Variants in DNAH14 observed in about 807,000 individuals in gnomAD.
The protein encoded by DNAH14 is dynein axonemal heavy chain 14, also known as axonemal beta dynein heavy chain 14.
Under a neutral mutation model 520.9 loss-of-function variants are expected in DNAH14, and 478 were observed. That is an observed-to-expected ratio of 0.92 (90% confidence interval 0.85 to 0.99). The LOEUF (loss-of-function observed/expected upper bound fraction) is 0.99. Ranked by LOEUF, DNAH14 falls within the 50% of genes least tolerant of loss-of-function variation. The pLI is 0.00. For missense variants in DNAH14, 4,831 were observed against 5,234.5 expected (o/e 0.92, Z 2.38); for synonymous variants, 1,581 against 1,757.2 (o/e 0.90, Z 2.51).
chr1:225,297,239 A>G (rs2094029302), intron 55 of DNAH14, among the ~76,000 whole-genome samples: 1 of 151,992 alleles, frequency 6.6e-6, no homozygotes, highest in Admixed American at 6.6e-5. Context: ...ATATCTCCCT[A>G]TTGAATTTCT....
intron 77 of DNAH14, among the ~76,000 whole-genome samples, chr1:225,369,906 C>T (rs1158933276): frequency 6.6e-6 from 1 of 152,106 alleles, no homozygotes; most frequent in African/African-American, 2.4e-5. Flanking sequence ...GGGAAATCAG[C>T]CAGGCTCGGT....
intron 73 of DNAH14, among the ~76,000 whole-genome samples, chr1:225,355,157 G>C (rs79576104): frequency 6.6e-6 from 1 of 152,180 alleles, no homozygotes; most frequent in Non-Finnish European, 1.5e-5. Context: ...TGGAGGCTGG[G>C]AGTCTAACAT....
chr1:225,034,274 A>G (rs189857769), intron 11 of DNAH14, among the ~76,000 whole-genome samples: 3 of 152,162 alleles, frequency 2.0e-5, no homozygotes, highest in Non-Finnish European at 4.4e-5. Flanking sequence ...CATGAAGGAT[A>G]TTGAAATTTA....
chr1:225,278,978 TTTTG>T (rs1160715574), intron 54 of DNAH14, among the ~76,000 whole-genome samples: 10 of 152,210 alleles, frequency 6.6e-5, no homozygotes, highest in Admixed American at 2.0e-4. Flanking sequence ...GTTGGGGTTT[TTTTG>T]TTTGTTTGTT....
intron 55 of DNAH14, among the ~76,000 whole-genome samples, chr1:225,292,458 G>A (rs748764403): frequency 6.6e-6 from 1 of 152,024 alleles, no homozygotes; most frequent in South Asian, 2.1e-4. Flanking sequence ...ATTGGTCTAT[G>A]TGTCTGTTTT....
chr1:225,165,401 G>A (rs16844408), intron 35 of DNAH14, among the ~76,000 whole-genome samples: 18,822 of 151,916 alleles, frequency 0.12, 1,317 homozygotes, highest in East Asian at 0.31. Context: ...TAAATTAACA[G>A]GAGTCTTAAA....
intron 41 of DNAH14, among the ~76,000 whole-genome samples, chr1:225,227,475 T>A (rs189569338): frequency 5.3e-5 from 8 of 152,292 alleles, no homozygotes; most frequent in Admixed American, 3.3e-4. Context: ...GTTTACAGAT[T>A]AACAGCATCT....
At chr1:225,126,883 G>A (rs1338247723) in intron 27 of DNAH14, among the ~76,000 whole-genome samples, 6 of 151,724 alleles carry the variant, frequency 4.0e-5, no homozygotes, top group Non-Finnish European at 7.4e-5. Flanking sequence ...CTTTGAATGT[G>A]TCCCAGAGAT....
At chr1:225,137,009 T>A (rs968270293) in intron 27 of DNAH14, among the ~76,000 whole-genome samples, 7 of 152,216 alleles carry the variant, frequency 4.6e-5, no homozygotes, top group South Asian at 4.1e-4. Flanking sequence ...AGGTCAGTTA[T>A]GTTCCTCTCT....
intron 10 of DNAH14, among the ~76,000 whole-genome samples, chr1:225,015,587 G>T (rs1558687828): frequency 6.6e-6 from 1 of 152,052 alleles, no homozygotes. Flanking sequence ...TATTCTGTTT[G>T]GGAAATGTGT....
intron 35 of DNAH14, among the ~76,000 whole-genome samples, chr1:225,161,576 C>T (rs111900033): frequency 3.3e-5 from 5 of 152,148 alleles, no homozygotes; most frequent in African/African-American, 1.2e-4. Context: ...GTTTTTTGAC[C>T]AACCTCCAAA....
chr1:225,133,906 A>G (rs1465371370), intron 27 of DNAH14, among the ~76,000 whole-genome samples: 2 of 152,128 alleles, frequency 1.3e-5, no homozygotes, highest in Non-Finnish European at 2.9e-5. Context: ...TTCCCTGAGC[A>G]GTGGTTTGTA....
chr1:225,053,852 G>T (rs1051400779), intron 17 of DNAH14, among the ~76,000 whole-genome samples: 4 of 152,110 alleles, frequency 2.6e-5, no homozygotes, highest in African/African-American at 9.7e-5. Flanking sequence ...TGTCTACACT[G>T]GAAATATATA....
At chr1:225,119,855 G>T (rs1361168684) in intron 26 of DNAH14, among the ~76,000 whole-genome samples, 1 of 152,096 alleles carries the variant, frequency 6.6e-6, no homozygotes, top group Admixed American at 6.6e-5. Flanking sequence ...TGACTTTTAG[G>T]TTTTTATATC....
chr1:225,312,886 A>T (rs1027353468), intron 60 of DNAH14, among the ~76,000 whole-genome samples: 3 of 152,108 alleles, frequency 2.0e-5, no homozygotes, highest in African/African-American at 7.2e-5. Flanking sequence ...TTCATCAGGG[A>T]TATTGGCCTG....
At chr1:225,169,435 G>A (rs1173175355) in intron 36 of DNAH14, among the ~76,000 whole-genome samples, 3 of 152,204 alleles carry the variant, frequency 2.0e-5, no homozygotes, top group Non-Finnish European at 2.9e-5. Flanking sequence ...AATAACCAAT[G>A]CAGAGAAGTC....
intron 31 of DNAH14, chr1:225,151,802 T>G: frequency 1.5e-6 from 1 of 665,504 alleles, no homozygotes; most frequent in Non-Finnish European, 2.7e-6. Context: ...CAAATACATC[T>G]GAATCCCAGC....
At chr1:225,285,239 G>C (rs1004617007) in intron 54 of DNAH14, among the ~76,000 whole-genome samples, 4 of 152,142 alleles carry the variant, frequency 2.6e-5, no homozygotes, top group Non-Finnish European at 5.9e-5. Flanking sequence ...AAAATCCTAA[G>C]GACAAGCAAC....
rs1230112727 is a variant in DNAH14, at chr1:225,204,174, A to G, written c.5887-9A>G. 2.2e-6 allele frequency: 3 copies of G among 1,371,552 alleles called. No individual in the cohort carries two copies. Among genetic ancestry groups the G allele is most frequent in the Non-Finnish European group, 2.9e-6 (3 of 1,033,260 alleles). 85.0% of individuals were successfully genotyped at this position (1,371,552 alleles called of 1,614,324 possible). A position where few individuals can be genotyped will look rare whatever the true frequency, so the allele number is the denominator to read the frequency against. ...TAAAAATTTAAACATTATTGATTACATATTTTAGGTTTTCAAACTTGATTC... is the reference window on the plus strand; with the variant it reads ...TAAAAATTTAAACATTATTGATTACGTATTTTAGGTTTTCAAACTTGATTC... On this transcript the variant is annotated splice_polypyrimidine_tract_variant and intron_variant, in intron 38 of 85. Coordinates refer to ENST00000682510, the MANE Select transcript of DNAH14 (RefSeq NM_001367479.1).
Sources: gnomAD v4.1 joint callset for allele counts (sites outside exome capture counted in the v4.1 genomes callset) on GRCh38, gnomAD v4.1.1 for gene constraint, MANE v1.5 for transcripts, NCBI Gene and HGNC (gene_info 2026-07-23, HGNC 2026-07-21) for gene names.